CNTN4: variants seen among roughly 807,000 people sequenced by gnomAD.
The protein encoded by CNTN4 is contactin-4.
A neutral mutation model predicts 122.5 loss-of-function variants in CNTN4; 77 were observed. That is an observed-to-expected ratio of 0.63 (90% CI 0.52 to 0.76). The LOEUF (loss-of-function observed/expected upper bound fraction) is 0.76. Among genes scored for constraint, CNTN4 ranks in the 30% least tolerant of loss-of-function variants. CNTN4 has a pLI of 0.00. For missense variants in CNTN4, 1,256 were observed against 1,259.1 expected (o/e 1.00, Z 0.04); for synonymous variants, 512 against 447.0 (o/e 1.15, Z -1.83).
chr3:2,283,422 G>A (rs1217665606), intron 2 of CNTN4, among the ~76,000 whole-genome samples: 3 of 152,044 alleles, frequency 2.0e-5, no homozygotes, highest in Non-Finnish European at 4.4e-5. Context: ...CAAAGTATAG[G>A]CAAGTAGTCC....
chr3:2,618,653 G>C (rs951534758), intron 4 of CNTN4, among the ~76,000 whole-genome samples: 1 of 152,108 alleles, frequency 6.6e-6, no homozygotes, highest in African/African-American at 2.4e-5. Context: ...AACACAGAAA[G>C]TCAGGCTCTG....
intron 6 of CNTN4, among the ~76,000 whole-genome samples, chr3:2,782,437 A>G (rs1400707473): frequency 1.3e-5 from 2 of 150,970 alleles, no homozygotes; most frequent in African/African-American, 4.9e-5. Context: ...TGTAATACAT[A>G]CCCATAACTG....
intron 6 of CNTN4, among the ~76,000 whole-genome samples, chr3:2,764,811 T>C (rs1314619230): frequency 1.3e-5 from 2 of 152,202 alleles, no homozygotes; most frequent in Non-Finnish European, 2.9e-5. Flanking sequence ...GAATTCTCTT[T>C]TTTAATACTT....
intron 2 of CNTN4, among the ~76,000 whole-genome samples, chr3:2,263,005 G>T (rs1421525334): frequency 6.6e-6 from 1 of 152,102 alleles, no homozygotes; most frequent in African/African-American, 2.4e-5. Context: ...GTTCCCAGTA[G>T]TTGTGGTACA....
intron 4 of CNTN4, among the ~76,000 whole-genome samples, chr3:2,588,627 A>G (rs972693544): frequency 6.6e-6 from 1 of 151,992 alleles, no homozygotes; most frequent in African/African-American, 2.4e-5. Context: ...GGCCTCCCAA[A>G]GTGCTAGGAT....
chr3:2,822,308 T>G (rs2092893634), intron 7 of CNTN4, among the ~76,000 whole-genome samples: 1 of 152,242 alleles, frequency 6.6e-6, no homozygotes, highest in Admixed American at 6.5e-5. Flanking sequence ...TCTTTATGCC[T>G]CACTCTGCCT....
In CNTN4 at chr3:2,336,139, G is replaced by T. The variant is rs77624832; in HGVS notation, c.-144-3039G>T. Among the ~76,000 whole-genome samples, 458 of 152,154 alleles carry T rather than the reference G, an allele frequency of 3.0e-3. 2 individuals are homozygous for T. Among genetic ancestry groups the T allele is most frequent in the African/African-American group, 0.011 (436 of 41,476 alleles). ...ACAAGATCCATTACGGTCCTGAGAGGTTATGGTTTTGTTAAAAGGATTATT... is the reference window on the plus strand; with the variant it reads ...ACAAGATCCATTACGGTCCTGAGAGTTTATGGTTTTGTTAAAAGGATTATT... On this transcript the variant is annotated intron_variant, in intron 2 of 24. Transcript: ENST00000418658.
In CNTN4 at chr3:2,191,271, A is replaced by G. The variant is rs542782427; in HGVS notation, c.-145+90632A>G. ...TTAATGTGGCTTTTTTTTTTTTGGCATTAACCCAGACATAGAACTCAACTA... is the reference window on the plus strand; with the variant it reads ...TTAATGTGGCTTTTTTTTTTTTGGCGTTAACCCAGACATAGAACTCAACTA... On this transcript the variant is annotated intron_variant, in intron 2 of 24. Transcript: ENST00000418658. 2.0e-5 allele frequency among the ~76,000 whole-genome samples: 3 copies of G among 147,736 alleles called. No homozygotes were observed. In the East Asian group the frequency reaches 5.9e-4, roughly 29 times the overall value.
chr3:2,279,981 A>G (rs888757427), intron 2 of CNTN4, among the ~76,000 whole-genome samples: 2 of 147,202 alleles, frequency 1.4e-5, no homozygotes, highest in Non-Finnish European at 3.1e-5. Context: ...AGAGAGAGAG[A>G]TAGATATAGA....
At position 2,444,731 on chromosome 3, in the gene CNTN4, TTGGC is replaced by T. The variant is rs529016308; in HGVS notation, c.-89+105526_-89+105529del. Among the ~76,000 whole-genome samples, 943 of 151,808 alleles carry T rather than the reference TTGGC, an allele frequency of 6.2e-3. 9 individuals are homozygous for T. Among genetic ancestry groups the T allele is most frequent in the Admixed American group, 0.027 (419 of 15,246 alleles). ...ACTGCAGCCTAGTACTGAATAAATA[TTGGC>T]TGGCTGGCTGGCTGGCTGGCTGGCT... On this transcript the variant is annotated intron_variant, in intron 3 of 24. Coordinates refer to ENST00000418658, the MANE Select transcript of CNTN4 (RefSeq NM_175607.3).
intron 2 of CNTN4, among the ~76,000 whole-genome samples, chr3:2,244,584 T>C (rs2040070289): frequency 6.6e-6 from 1 of 152,252 alleles, no homozygotes; most frequent in Non-Finnish European, 1.5e-5. Context: ...AAATATATTA[T>C]TAAACTTAAT....
At chr3:2,163,867 T>A (rs2036070264) in intron 2 of CNTN4, among the ~76,000 whole-genome samples, 1 of 152,110 alleles carries the variant, frequency 6.6e-6, no homozygotes, top group Non-Finnish European at 1.5e-5. Context: ...CTGAAAGTGG[T>A]GAAAAGGTAA....
At position 2,400,434 on chromosome 3, in the gene CNTN4, T is replaced by C. The variant is rs796197752; in HGVS notation, c.-89+61201T>C. Among the ~76,000 whole-genome samples, 46 of 124,492 alleles carry C rather than the reference T, an allele frequency of 3.7e-4. 1 individual carries two copies. Among genetic ancestry groups the C allele is most frequent in the Non-Finnish European group, 6.6e-4 (36 of 54,576 alleles). 81.7% of individuals were successfully genotyped at this position (124,492 alleles called of 152,430 possible). ...ATATATATATATATATATACATATATATATATATATATATATCTCTTTTTT... is the reference window on the plus strand; with the variant it reads ...ATATATATATATATATATACATATACATATATATATATATATCTCTTTTTT... On this transcript the variant is annotated intron_variant, in intron 3 of 24. Coordinates refer to ENST00000418658, the MANE Select transcript of CNTN4 (RefSeq NM_175607.3).
At chr3:2,648,429 T>G (rs1184259150) in intron 4 of CNTN4, among the ~76,000 whole-genome samples, 1 of 152,220 alleles carries the variant, frequency 6.6e-6, no homozygotes, top group African/African-American at 2.4e-5. Context: ...TGTCACATTT[T>G]TGTAATTGTC....
intron 3 of CNTN4, among the ~76,000 whole-genome samples, chr3:2,553,084 C>A (rs1344729355): frequency 6.6e-6 from 1 of 152,118 alleles, no homozygotes; most frequent in African/African-American, 2.4e-5. Flanking sequence ...ATTTTTCTTC[C>A]AGGTTTGGGG....
intron 3 of CNTN4, among the ~76,000 whole-genome samples, chr3:2,346,606 A>C (rs959364330): frequency 6.6e-6 from 1 of 152,132 alleles, no homozygotes; most frequent in Non-Finnish European, 1.5e-5. Flanking sequence ...TAGGATTGGA[A>C]TTCTTAGTTA....
At chr3:2,667,420 C>T (rs2084235093) in intron 4 of CNTN4, among the ~76,000 whole-genome samples, 1 of 152,076 alleles carries the variant, frequency 6.6e-6, no homozygotes, top group Non-Finnish European at 1.5e-5. Flanking sequence ...TATCCTTTGC[C>T]CACTTGTTAA....
chr3:2,456,343 A>G (rs950974942), intron 3 of CNTN4, among the ~76,000 whole-genome samples: 1 of 152,084 alleles, frequency 6.6e-6, no homozygotes, highest in Non-Finnish European at 1.5e-5. Flanking sequence ...AATTGTATAT[A>G]TTTATTTCTA....
At chr3:2,710,448 T>C (rs2087071094) in intron 4 of CNTN4, among the ~76,000 whole-genome samples, 1 of 152,232 alleles carries the variant, frequency 6.6e-6, no homozygotes, top group Non-Finnish European at 1.5e-5. Context: ...CCATAACTAG[T>C]GCAATTTCCT....
Sources: allele counts gnomAD v4.1 joint callset (sites outside exome capture counted in the v4.1 genomes callset), GRCh38; gene constraint gnomAD v4.1.1; transcripts MANE v1.5; gene names NCBI Gene and HGNC (gene_info 2026-07-23, HGNC 2026-07-21).